The following RPTOR variants were observed in gnomAD, a reference collection of about 807,000 sequenced individuals.
RPTOR encodes the protein regulatory associated protein of MTOR complex 1, also known as regulatory-associated protein of mTOR.
A neutral mutation model predicts 169.9 loss-of-function variants in RPTOR; 21 were observed. That is an observed-to-expected ratio of 0.12 (90% CI 0.09 to 0.18). The LOEUF (loss-of-function observed/expected upper bound fraction) is 0.18. RPTOR is among the 10% of genes least tolerant of loss of function. RPTOR has a pLI of 1.00. For synonymous variants in RPTOR, 732 were observed against 753.2 expected (o/e 0.97, Z 0.46); for missense variants, 1,133 against 1,855.9 (o/e 0.61, Z 7.16).
At chr17:80,893,224 C>G (rs2068348534) in intron 19 of RPTOR, among the ~76,000 whole-genome samples, 1 of 152,084 alleles carries the variant, frequency 6.6e-6, no homozygotes, top group African/African-American at 2.4e-5. Context: ...GTGCCTGTGC[C>G]TGTGTGTGCG....
intron 4 of RPTOR, among the ~76,000 whole-genome samples, chr17:80,713,121 T>C (rs2066209553): frequency 6.6e-6 from 1 of 152,156 alleles, no homozygotes; most frequent in South Asian, 2.1e-4. Flanking sequence ...CAGGCTAGAG[T>C]ACAATGGCGT....
chr17:80,952,706 T>C (rs2069195589), intron 28 of RPTOR, among the ~76,000 whole-genome samples: 1 of 152,134 alleles, frequency 6.6e-6, no homozygotes, highest in African/African-American at 2.4e-5. Flanking sequence ...AGGGCACCTC[T>C]CTGTTCTTCC....
chr17:80,555,773 T>A (rs1255284257), intron 1 of RPTOR, among the ~76,000 whole-genome samples: 1 of 152,178 alleles, frequency 6.6e-6, no homozygotes, highest in Admixed American at 6.5e-5. Context: ...AGTGACTTCA[T>A]GTAGTTGGTG....
At chr17:80,802,592 CAA>C (rs1222385858) in intron 7 of RPTOR, 12 of 124,478 alleles carry the variant, frequency 9.6e-5, no homozygotes, top group Non-Finnish European at 1.4e-4. Flanking sequence ...GACTCCATCT[CAA>C]AAAAAAAAAA....
intron 1 of RPTOR, among the ~76,000 whole-genome samples, chr17:80,623,692 C>G (rs1027635253): frequency 6.6e-6 from 1 of 151,912 alleles, no homozygotes; most frequent in African/African-American, 2.4e-5. Context: ...CACACCACCA[C>G]GCCTGGCTAA....
At chr17:80,923,343 CCATGATGGCATG>C (rs2068770190) in intron 22 of RPTOR, 135 bp from the exon 23 acceptor site, 1 of 837,162 alleles carries the variant, frequency 1.2e-6, no homozygotes, top group Non-Finnish European at 1.9e-6. Context: ...GGTTCGGGAG[CCATGATGGCATG>C]CTGGGTGACT....
chr17:80,905,497 A>G (rs1214328366), intron 20 of RPTOR, among the ~76,000 whole-genome samples: 1 of 151,416 alleles, frequency 6.6e-6, no homozygotes, highest in African/African-American at 2.4e-5. Context: ...TCAGGAGGCT[A>G]AGGCAGGAGA....
intron 1 of RPTOR, among the ~76,000 whole-genome samples, chr17:80,550,458 C>T (rs2084330969): frequency 6.6e-6 from 1 of 152,100 alleles, no homozygotes; most frequent in Non-Finnish European, 1.5e-5. Flanking sequence ...TGGGTGTGCC[C>T]CTCCCTAGCA....
chr17:80,839,974 G>A lies in RPTOR; in HGVS notation c.1212+1977G>A, dbSNP rs560473140. On this transcript the variant is annotated intron_variant, in intron 10 of 33. Transcript: ENST00000306801. ...CCATGTTGGGGTGTCAGGACAAGCC[G>A]GGGATAACTGACGTGGACCACACAC... is the stretch of plus-strand genomic sequence containing the variant. 2.6e-5 allele frequency among the ~76,000 whole-genome samples: 4 copies of A among 152,264 alleles called. No homozygotes were observed. In the East Asian group the frequency reaches 5.8e-4, roughly 22 times the overall value.
At chr17:80,714,147 A>G (rs988133319) in intron 4 of RPTOR, among the ~76,000 whole-genome samples, 1 of 151,978 alleles carries the variant, frequency 6.6e-6, no homozygotes, top group African/African-American at 2.4e-5. Context: ...CACCATGTTG[A>G]CTGGGCTGGT....
At chr17:80,920,369 G>A (rs2068730603) in intron 21 of RPTOR, among the ~76,000 whole-genome samples, 1 of 152,346 alleles carries the variant, frequency 6.6e-6, no homozygotes, top group South Asian at 2.1e-4. Flanking sequence ...GGGGGTGGGG[G>A]GGGCTCCTGA....
chr17:80,905,612 A>G (rs984196545), intron 20 of RPTOR, among the ~76,000 whole-genome samples: 130 of 151,234 alleles, frequency 8.6e-4, no homozygotes, highest in African/African-American at 2.9e-3. Context: ...AAAAAAAAAA[A>G]GTTAGATGAA....
At chr17:80,682,117 C>CCT (rs57796737) in intron 3 of RPTOR, among the ~76,000 whole-genome samples, 34,407 of 126,400 alleles carry the variant, frequency 0.27, 5,002 homozygotes, top group Admixed American at 0.4. Flanking sequence ...TCCCCCCCCC[C>CCT]ACCCCAAACA....
chr17:80,925,584 A>G, intron 24 of RPTOR, 104 bp downstream of exon 24: 1 of 908,190 alleles, frequency 1.1e-6, no homozygotes, highest in Non-Finnish European at 1.8e-6. Flanking sequence ...GGAGCGTCCC[A>G]TTGTGGTCGT....
intron 24 of RPTOR, 131 bp downstream of exon 24, chr17:80,925,611 GT>G (rs2068802777): frequency 8.4e-6 from 6 of 712,760 alleles, no homozygotes; most frequent in Non-Finnish European, 1.4e-5. Context: ...GATGGTCACG[GT>G]TGAGGTAGAA....
At chr17:80,714,120 T>C (rs1332952290) in intron 4 of RPTOR, among the ~76,000 whole-genome samples, 1 of 152,090 alleles carries the variant, frequency 6.6e-6, no homozygotes, top group Non-Finnish European at 1.5e-5. Flanking sequence ...TTTGTATTTT[T>C]AGTAGAGATG....
At chr17:80,585,426 G>A (rs2065052051) in intron 1 of RPTOR, among the ~76,000 whole-genome samples, 1 of 152,078 alleles carries the variant, frequency 6.6e-6, no homozygotes, top group Non-Finnish European at 1.5e-5. Context: ...GGCTGGTCTT[G>A]AACTCCTGAC....
At chr17:80,808,888 C>G (rs1404437263) in intron 7 of RPTOR, among the ~76,000 whole-genome samples, 1 of 152,054 alleles carries the variant, frequency 6.6e-6, no homozygotes, top group African/African-American at 2.4e-5. Flanking sequence ...GCCCGTCACC[C>G]TGTGTGTCAC....
chr17:80,939,534 C>T (rs1010060477), intron 24 of RPTOR, among the ~76,000 whole-genome samples: 1 of 152,240 alleles, frequency 6.6e-6, no homozygotes, highest in Non-Finnish European at 1.5e-5. Flanking sequence ...CTGAAGTTCT[C>T]ACGAGTTAGT....
Sources: allele counts gnomAD v4.1 joint callset (sites outside exome capture counted in the v4.1 genomes callset), GRCh38; gene constraint gnomAD v4.1.1; transcripts MANE v1.5; gene names NCBI Gene and HGNC (gene_info 2026-07-23, HGNC 2026-07-21).